Variants in SLC38A10 observed in about 807,000 individuals in gnomAD.
SLC38A10 encodes the protein solute carrier family 38 member 10, also known as Sodium-coupled neutral amino acid transporter 10.
SLC38A10 carries 53 observed loss-of-function variants against 81.0 expected under a neutral mutation model. That is an observed-to-expected ratio of 0.65 (90% CI 0.53 to 0.82). The LOEUF is 0.82. Ranked by LOEUF, SLC38A10 falls within the 40% of genes least tolerant of loss-of-function variation. The probability of loss-of-function intolerance (pLI) is 0.00; values close to 1 mark genes in which losing one functional copy is unlikely to be tolerated. For missense variants in SLC38A10, 1,471 were observed against 1,545.0 expected (o/e 0.95, Z 0.80); for synonymous variants, 665 against 655.3 (o/e 1.01, Z -0.23).
At chr17:81,274,724 C>G (rs903707608) in intron 8 of SLC38A10, among the ~76,000 whole-genome samples, 3 of 152,066 alleles carry the variant, frequency 2.0e-5, no homozygotes, top group Non-Finnish European at 2.9e-5. Context: ...AGGAGAGAAC[C>G]AGGACAGCCC....
Position 81,281,045 on chromosome 17 carries a change from C to G in SLC38A10, c.502-312G>C, listed in dbSNP as rs1338597205. ...GAGGAGACCACTGAGCATGCATGGC[C>G]CCAGTTTCCGTCGGTTACAGAGGCT... On this transcript the variant is annotated intron_variant, in intron 5 of 15. Transcript: ENST00000374759. This position sits in a 1 kb window ranked among gnomAD's most constrained non-coding sequence, Gnocchi z 5.3. 6.6e-6 allele frequency among the ~76,000 whole-genome samples: 1 copy of G among 152,214 alleles called. No individual in the cohort carries two copies. Among genetic ancestry groups the G allele is most frequent in the Non-Finnish European group, 1.5e-5 (1 of 68,040 alleles).
At chr17:81,278,920 T>G (rs1393687322) in intron 6 of SLC38A10, among the ~76,000 whole-genome samples, 1 of 152,158 alleles carries the variant, frequency 6.6e-6, no homozygotes, top group Non-Finnish European at 1.5e-5. Flanking sequence ...CCTGACCACC[T>G]ACCCCAGGGA....
In SLC38A10 at chr17:81,289,867, A is replaced by AT. The variant is rs1413789208; in HGVS notation, c.100-60_100-59insA. On this transcript the variant is annotated intron_variant, in intron 1 of 15. Coordinates refer to ENST00000374759, the MANE Select transcript of SLC38A10 (RefSeq NM_001037984.3). This position sits in a 1 kb window ranked among gnomAD's most constrained non-coding sequence, Gnocchi z 5.9. ...CAGCAGGTGCTCCCCAGAGGCCCTC[A>AT]CCCCACACACGCGGCTCATGAGGAC... The AT allele has an allele frequency of 1.4e-5, 20 of 1,388,828 alleles. No homozygotes were observed. Among genetic ancestry groups the AT allele is most frequent in the Non-Finnish European group, 1.9e-5 (19 of 1,027,006 alleles). 86.0% of individuals were successfully genotyped at this position (1,388,828 alleles called of 1,614,324 possible). A position where few individuals can be genotyped will look rare whatever the true frequency, so the allele number is the denominator to read the frequency against.
rs2062938464 is a variant in SLC38A10, at chr17:81,253,386, G to A, written c.1289-146C>T. 2.0e-6 allele frequency: 2 copies of A among 1,002,752 alleles called. No individual in the cohort carries two copies. The highest frequency in any genetic ancestry group is 2.8e-6 in the Non-Finnish European group (2 of 704,018). The allele number at this position is 1,002,752 out of a possible 1,614,324, so 62.1% of individuals were successfully genotyped here. On this transcript the variant is annotated intron_variant, in intron 11 of 15. Transcript: ENST00000374759. This position sits in a 1 kb window ranked among gnomAD's most constrained non-coding sequence, Gnocchi z 4.1. ...CTGTTCGATCATTAGCAGCTAAGTA[G>A]CACAGAAAACTGTCATTTTTCATGT...
rs576177192 is a variant in SLC38A10 at position 81,284,593 on chromosome 17, A to G, written c.263+257T>C. Among the ~76,000 whole-genome samples, 53 of 152,302 alleles carry G rather than the reference A, an allele frequency of 3.5e-4. No homozygotes were observed. In the East Asian group the frequency reaches 0.01, roughly 29 times the overall value. Reference sequence around the variant, plus strand: ...CTTTATGCAGCGGTGTTTGAGGGGTAGGTGAGGTGCTGAGGAATGGTGTTG... The same window carrying G: ...CTTTATGCAGCGGTGTTTGAGGGGTGGGTGAGGTGCTGAGGAATGGTGTTG... On this transcript the variant is annotated intron_variant, in intron 3 of 15. Coordinates refer to ENST00000374759, the MANE Select transcript of SLC38A10 (RefSeq NM_001037984.3).
intron 10 of SLC38A10, among the ~76,000 whole-genome samples, chr17:81,262,136 G>A (rs1455418129): frequency 6.6e-6 from 1 of 152,102 alleles, no homozygotes; most frequent in Non-Finnish European, 1.5e-5. Flanking sequence ...GGTGTGGAAC[G>A]GCCCGCCCAG....
Position 81,251,604 on chromosome 17 carries a change from GC to G in SLC38A10, c.1953del (p.Lys651AsnfsTer54), listed in dbSNP as rs1350981581. On this transcript the variant is annotated frameshift_variant, in exon 14 of 16. Transcript: ENST00000374759. LOFTEE classifies it high-confidence loss of function. ...QPAEDSDHGG[K>X]PPLPAEKPAP... ...GCCGGCTTCTCCGCTGGGAGGGGAG[GC>G]TTCCCACCTGCACACACGGTGAAGA... 1 of 1,490,968 alleles carries G rather than the reference GC, an allele frequency of 6.7e-7. No homozygotes were observed. Among genetic ancestry groups the G allele is most frequent in the East Asian group, 2.3e-5 (1 of 43,298 alleles). 92.4% of individuals were successfully genotyped at this position (1,490,968 alleles called of 1,614,324 possible).
chr17:81,275,054 C>T (rs1050164172), intron 8 of SLC38A10, among the ~76,000 whole-genome samples: 19 of 152,088 alleles, frequency 1.2e-4, no homozygotes, highest in African/African-American at 4.8e-5. Context: ...TACAGGCATG[C>T]GCTGCCATGC....
chr17:81,251,410 G>A (rs1301550182), intron 14 of SLC38A10, 83 bp downstream of exon 14: 1 of 1,611,192 alleles, frequency 6.2e-7, no homozygotes, highest in Non-Finnish European at 8.5e-7. Context: ...TCCCGAGGAT[G>A]ACCTGGGCAT....
intron 3 of SLC38A10, among the ~76,000 whole-genome samples, chr17:81,284,289 T>C (rs1263314219): frequency 6.6e-6 from 1 of 151,888 alleles, no homozygotes; most frequent in African/African-American, 2.4e-5. Context: ...ACCTGGGAGG[T>C]TGCAGTGAGC....
intron 10 of SLC38A10, among the ~76,000 whole-genome samples, chr17:81,268,119 C>A (rs1309144265): frequency 3.3e-5 from 5 of 151,596 alleles, no homozygotes; most frequent in Admixed American, 6.6e-5. Context: ...AAGATGAACG[C>A]CAAGCAGAAG....
intron 1 of SLC38A10, among the ~76,000 whole-genome samples, chr17:81,291,710 T>G (rs112744096): frequency 1.3e-5 from 2 of 152,082 alleles, no homozygotes; most frequent in African/African-American, 4.8e-5. Flanking sequence ...AACCACCCCC[T>G]GCCAACGCCT....
chr17:81,294,773 C>A, intron 1 of SLC38A10, 50 bp downstream of exon 1: 2 of 1,494,934 alleles, frequency 1.3e-6, no homozygotes, highest in Non-Finnish European at 9.0e-7. Flanking sequence ...GCCAGACGCC[C>A]CCTCTGCGGG....
Position 81,276,800 on chromosome 17 carries a change from A to T in SLC38A10, c.729+231T>A, listed in dbSNP as rs890937034. Among the ~76,000 whole-genome samples the T allele has an allele frequency of 1.3e-5, 2 of 152,226 alleles. No individual in the cohort carries two copies. Among genetic ancestry groups the T allele is most frequent in the African/African-American group, 4.8e-5 (2 of 41,458 alleles). On this transcript the variant is annotated intron_variant, in intron 7 of 15. Coordinates refer to ENST00000374759, the MANE Select transcript of SLC38A10 (RefSeq NM_001037984.3). This position sits in a 1 kb window ranked among gnomAD's most constrained non-coding sequence, Gnocchi z 4.7. Reference sequence around the variant, plus strand: ...CTGGTGCCCAGCTCCTCAGGTCAGGAGAGCTTCCTGGCCCAGGGTGGACCC... The same window carrying T: ...CTGGTGCCCAGCTCCTCAGGTCAGGTGAGCTTCCTGGCCCAGGGTGGACCC...
Position 81,277,189 on chromosome 17 carries a change from C to G in SLC38A10, c.627-56G>C. 4 of 1,517,956 alleles carry G rather than the reference C, an allele frequency of 2.6e-6. No individual in the cohort carries two copies. Among genetic ancestry groups the G allele is most frequent in the Non-Finnish European group, 3.6e-6 (4 of 1,097,352 alleles). The allele number at this position is 1,517,956 out of a possible 1,614,324, so 94.0% of individuals were successfully genotyped here. ...CCTGAGAGAGGCACGCCCTCCCCAG[C>G]GGCTCCACTTCTAGGACCTCTCTGC... On this transcript the variant is annotated intron_variant, in intron 6 of 15. Coordinates refer to ENST00000374759, the MANE Select transcript of SLC38A10 (RefSeq NM_001037984.3). The surrounding 1 kb of genome is among the most constrained non-coding windows in gnomAD (Gnocchi z 4.5).
At chr17:81,249,171 G>A (rs1038155459) in intron 14 of SLC38A10, among the ~76,000 whole-genome samples, 32 of 141,778 alleles carry the variant, frequency 2.3e-4, no homozygotes, top group Admixed American at 2.2e-3. Context: ...GTGCTGGGAA[G>A]AGGAGGAAAG....
At chr17:81,251,383 G>T (rs905795231) in intron 14 of SLC38A10, 110 bp downstream of exon 14, 1 of 1,612,524 alleles carries the variant, frequency 6.2e-7, no homozygotes, top group Non-Finnish European at 8.5e-7. Context: ...GGAAAGAGAA[G>T]GGGGGCCTGG....
chr17:81,252,895 G>A (rs2062932946), intron 12 of SLC38A10, among the ~76,000 whole-genome samples, 178 bp downstream of exon 12: 2 of 152,214 alleles, frequency 1.3e-5, no homozygotes, highest in South Asian at 2.1e-4. Flanking sequence ...TGCTCTGGGA[G>A]GGGCAGGACA....
chr17:81,283,644 C>G lies in SLC38A10; in HGVS notation c.264-142G>C, dbSNP rs1001492185. On this transcript the variant is annotated intron_variant, in intron 3 of 15. Transcript: ENST00000374759. This position sits in a 1 kb window ranked among gnomAD's most constrained non-coding sequence, Gnocchi z 4.7. Reference sequence around the variant, plus strand: ...TTTTTTTTTTTTTGAAACAGAGTCTCACTCTGTCGCCCAGGCTGGAGTGCA... The same window carrying G: ...TTTTTTTTTTTTTGAAACAGAGTCTGACTCTGTCGCCCAGGCTGGAGTGCA... 11 of 551,074 alleles carry G rather than the reference C, an allele frequency of 2.0e-5. No homozygotes were observed. The highest frequency in any genetic ancestry group is 1.6e-5 in the Non-Finnish European group (5 of 315,640). 34.1% of individuals were successfully genotyped at this position (551,074 alleles called of 1,614,324 possible).
Sources: gnomAD v4.1 joint callset for allele counts (sites outside exome capture counted in the v4.1 genomes callset) on GRCh38, gnomAD v4.1.1 for gene constraint, Gnocchi (gnomAD v3.1) non-coding constraint, MANE v1.5 for transcripts, NCBI Gene and HGNC (gene_info 2026-07-23, HGNC 2026-07-21) for gene names.